The following AKTIP variants were observed in gnomAD, a reference collection of about 807,000 sequenced individuals.
AKTIP encodes the protein AKT-interacting protein.
A neutral mutation model predicts 39.1 loss-of-function variants in AKTIP; 16 were observed. That is an observed-to-expected ratio of 0.41 (90% CI 0.28 to 0.62). The LOEUF (loss-of-function observed/expected upper bound fraction) is 0.62, where lower values mean the gene tolerates loss of function less well. AKTIP is among the 20% of genes least tolerant of loss of function. The pLI is 0.32. For missense variants in AKTIP, 262 were observed against 356.6 expected, an observed-to-expected ratio of 0.73 and a Z score of 2.14; for synonymous variants, 93 against 124.3, an observed-to-expected ratio of 0.75 and a Z score of 1.67.
At chr16:53,499,743 G>A (rs796602735) in intron 2 of AKTIP, among the ~76,000 whole-genome samples, 6 of 152,188 alleles carry the variant, frequency 3.9e-5, no homozygotes, top group African/African-American at 4.8e-5. Context: ...TTACAAGCAT[G>A]AGCCACCGTG....
At position 53,492,521 on chromosome 16, in the gene AKTIP, T is replaced by C. The variant is rs772981389; in HGVS notation, c.772-2A>G. The C allele has an allele frequency of 6.2e-7, 1 of 1,614,166 alleles. No individual in the cohort carries two copies. The highest frequency in any genetic ancestry group is 8.5e-7 in the Non-Finnish European group (1 of 1,179,974). On this transcript the variant is annotated splice_acceptor_variant, in intron 9 of 9. Transcript: ENST00000394657. LOFTEE classifies it high-confidence loss of function. ...TTTATTGTGCTGTTCTTCAGGCTTC[T>C]TCTAGGCACAATCAAAACAGATATT...
chr16:53,494,597 C>T lies in AKTIP; in HGVS notation c.423G>A (p.Val141=), dbSNP rs746964570. 4.3e-6 allele frequency: 7 copies of T among 1,614,038 alleles called. No homozygotes were observed. In the East Asian group the frequency reaches 1.1e-4, roughly 26 times the overall value. Residue 141 remains valine (V), a synonymous_variant, in exon 6 of 10, where the codon GTG becomes GTA. Coordinates refer to ENST00000394657, the MANE Select transcript of AKTIP (RefSeq NM_022476.4). ...GCGGGTGAAAGACAGGAATATCGAACACCAAGCGCTGTATTTAAATAAAGA... is the reference window on the plus strand; with the variant it reads ...GCGGGTGAAAGACAGGAATATCGAATACCAAGCGCTGTATTTAAATAAAGA... The part of the protein sequence containing the change: ...NYPDGDCPRL[V]FDIPVFHPLV...
rs757341232 is a variant in AKTIP at position 53,494,604 on chromosome 16, C to T, written c.416G>A (p.Arg139His). 30 of 1,613,690 alleles carry T rather than the reference C, an allele frequency of 1.9e-5. No individual in the cohort carries two copies. The highest frequency in any genetic ancestry group is 2.2e-5 in the Non-Finnish European group (26 of 1,179,736). Residue 139 changes from arginine to histidine, a missense_variant and splice_region_variant, in exon 6 of 10, where the codon CGC (arginine) becomes CAC (histidine). Arg to His is a conservative substitution (Grantham distance 29, BLOSUM62 0). Transcript: ENST00000394657. ...PDNYPDGDCP[R>H]LVFDIPVFHP... is the part of the protein sequence containing the mutation. ...AAAGACAGGAATATCGAACACCAAG[C>T]GCTGTATTTAAATAAAGAGAGACAT...
chr16:53,499,391 G>A (rs943432021), intron 2 of AKTIP, among the ~76,000 whole-genome samples: 3 of 151,274 alleles, frequency 2.0e-5, no homozygotes, highest in African/African-American at 7.3e-5. Context: ...AGGAAGAGAT[G>A]TCATGTATAT....
At chr16:53,497,385 G>A (rs185993272) in intron 3 of AKTIP, among the ~76,000 whole-genome samples, 5 of 152,292 alleles carry the variant, frequency 3.3e-5, no homozygotes, top group Admixed American at 2.6e-4. Flanking sequence ...CTCTTCCCTA[G>A]AATTGCTAAG....
chr16:53,494,899 C>T (rs752284052), intron 5 of AKTIP, 174 bp downstream of exon 5: 1 of 758,290 alleles, frequency 1.3e-6, no homozygotes, highest in South Asian at 1.5e-5. Flanking sequence ...AGCAGAGAAA[C>T]AAAGCTCTGA....
rs1259066239 is a variant in AKTIP, at chr16:53,491,264, T to C, written c.*1148A>G. On this transcript the variant is annotated 3_prime_UTR_variant, in exon 10 of 10. Coordinates refer to ENST00000394657, the MANE Select transcript of AKTIP (RefSeq NM_022476.4). ...AAAAGAAATGTCTATTAAGGTGATA[T>C]ATTTAAAAATATTTTTGGGTGTTCC... 1.3e-5 allele frequency: 2 copies of C among 152,184 alleles called. No homozygotes were observed. The highest frequency in any genetic ancestry group is 2.4e-5 in the African/African-American group (1 of 41,440). The allele number at this position is 152,184 out of a possible 1,614,324, so 9.4% of individuals were successfully genotyped here.
upstream of AKTIP, among the ~76,000 whole-genome samples, chr16:53,503,792 G>A (rs1962328119): frequency 6.6e-6 from 1 of 152,208 alleles, no homozygotes; most frequent in Non-Finnish European, 1.5e-5. Context: ...GGGTACCAGG[G>A]GTCAGAAGGA....
At position 53,500,230 on chromosome 16, in the gene AKTIP, G is replaced by A. The variant is rs372968146; in HGVS notation, c.30C>T (p.Ser10=). 6.2e-7 allele frequency: 1 copy of A among 1,612,480 alleles called. No homozygotes were observed. The highest frequency in any genetic ancestry group is 8.5e-7 in the Non-Finnish European group (1 of 1,179,120). Residue 10 remains serine, a synonymous_variant, in exon 2 of 10, where the codon AGC becomes AGT. Coordinates refer to ENST00000394657, the MANE Select transcript of AKTIP (RefSeq NM_022476.4). MNPFWSMST[S]SVRKRSEGEE... is the part of the protein sequence containing the mutation. Reference sequence around the variant, plus strand: ...CAACTATACCTACTTTGCGTACAGAGCTTGTAGACATGCTCCAGAAAGGGT... The same window carrying A: ...CAACTATACCTACTTTGCGTACAGAACTTGTAGACATGCTCCAGAAAGGGT...
chr16:53,503,524 A>T (rs1232658538), upstream of AKTIP, among the ~76,000 whole-genome samples: 3 of 152,228 alleles, frequency 2.0e-5, no homozygotes. Flanking sequence ...CCCCCCGGGG[A>T]GGGATGGGGC....
rs775441301 is a variant in AKTIP at position 53,498,579 on chromosome 16, C to A, written c.60G>T (p.Glu20Asp). 6.8e-6 allele frequency: 11 copies of A among 1,614,078 alleles called. No individual in the cohort carries two copies. In the South Asian group the frequency reaches 1.2e-4, roughly 18 times the overall value. The change falls in exon 3 of 10, where the codon GAG (glutamate) becomes GAT (aspartate). Residue 20 changes from glutamate (E) to aspartate (D), a missense_variant. Glu to Asp is a conservative substitution (Grantham distance 45). Coordinates refer to ENST00000394657, the MANE Select transcript of AKTIP (RefSeq NM_022476.4). ...SSVRKRSEGE[E>D]KTLTGDVKTS... ...TTTTCACGTCCCCTGTTAATGTCTTCTCTTCACCTTCAGATCGCTATACAA... is the reference window on the plus strand; with the variant it reads ...TTTTCACGTCCCCTGTTAATGTCTTATCTTCACCTTCAGATCGCTATACAA...
At chr16:53,495,431 G>T in intron 3 of AKTIP, 105 bp from the exon 4 acceptor site, 3 of 1,039,246 alleles carry the variant, frequency 2.9e-6, no homozygotes, top group Non-Finnish European at 4.4e-6. Context: ...TCAATGGGCA[G>T]CTGATGCCCA....
chr16:53,497,246 C>T (rs891813052), intron 3 of AKTIP, among the ~76,000 whole-genome samples: 9 of 152,300 alleles, frequency 5.9e-5, no homozygotes, highest in Non-Finnish European at 1.5e-5. Context: ...TGCCAGGCAC[C>T]ACAGGGTCGC....
At position 53,491,842 on chromosome 16, in the gene AKTIP, A is replaced by AACAAC. The variant is rs1319834279; in HGVS notation, c.*565_*569dup. 1 of 152,654 alleles carries AACAAC rather than the reference A, an allele frequency of 6.6e-6. No homozygotes were observed. Among genetic ancestry groups the AACAAC allele is most frequent in the Non-Finnish European group, 1.5e-5 (1 of 68,038 alleles). The allele number at this position is 152,654 out of a possible 1,614,324, so 9.5% of individuals were successfully genotyped here. A position where few individuals can be genotyped will look rare whatever the true frequency, so the allele number is the denominator to read the frequency against. ...TACAGTAAGTAATTTGCTTAAAAAA[A>AACAAC]ACAACACAACACTAGGAACAAGTGT... On this transcript the variant is annotated 3_prime_UTR_variant, in exon 10 of 10. Transcript: ENST00000394657.
intron 3 of AKTIP, among the ~76,000 whole-genome samples, chr16:53,496,487 G>A (rs1361152842): frequency 2.7e-5 from 4 of 150,122 alleles, no homozygotes; most frequent in Non-Finnish European, 5.9e-5. Flanking sequence ...ATCCAGGGAG[G>A]GGTCAAGGAT....
chr16:53,498,557 T>C lies in AKTIP; in HGVS notation c.82A>G (p.Lys28Glu). Residue 28 changes from lysine (K) to glutamate (E), a missense_variant, in exon 3 of 10, where the codon AAA becomes GAA. This residue lies in a region of AKTIP where 88 missense variants were observed against 132.1 expected (regional missense o/e 0.67). Transcript: ENST00000394657. ...GEEKTLTGDVKTSPPRTAPKK... is the reference protein window; with the variant it reads ...GEEKTLTGDVETSPPRTAPKK... ...GGTGCAGTTCGTGGAGGACTGGTTT[T>C]CACGTCCCCTGTTAATGTCTTCTCT... 1 of 1,614,178 alleles carries C rather than the reference T, an allele frequency of 6.2e-7. No individual in the cohort carries two copies.
chr16:53,497,426 T>G (rs1195390025), intron 3 of AKTIP, among the ~76,000 whole-genome samples: 1 of 152,184 alleles, frequency 6.6e-6, no homozygotes, highest in Non-Finnish European at 1.5e-5. Flanking sequence ...CAGAATAAGA[T>G]CCTTCCTTGT....
rs1017087039 is a variant in AKTIP, at chr16:53,491,740, C to T, written c.*672G>A. 9 of 152,596 alleles carry T rather than the reference C, an allele frequency of 5.9e-5. No individual in the cohort carries two copies. Among genetic ancestry groups the T allele is most frequent in the Admixed American group, 2.0e-4 (3 of 15,278 alleles). The allele number at this position is 152,596 out of a possible 1,614,324, so 9.5% of individuals were successfully genotyped here. On this transcript the variant is annotated 3_prime_UTR_variant, in exon 10 of 10. Coordinates refer to ENST00000394657, the MANE Select transcript of AKTIP (RefSeq NM_022476.4). ...TGGTTTATTTTGTCTCTACTAAACA[C>T]ATTAGTCATTTATCATTTAAATACC... is the stretch of plus-strand genomic sequence containing the variant.
At position 53,491,085 on chromosome 16, in the gene AKTIP, G is replaced by A. The variant is rs532492973; in HGVS notation, c.*1327C>T. The A allele has an allele frequency of 2.5e-4, 38 of 152,602 alleles. No individual in the cohort carries two copies. Among genetic ancestry groups the A allele is most frequent in the African/African-American group, 9.2e-4 (38 of 41,512 alleles). 9.5% of individuals were successfully genotyped at this position (152,602 alleles called of 1,614,324 possible). Reference sequence around the variant, plus strand: ...TAATGCTTTTATATTTTTTTAAAATGTTAAAACCCCTATAGCCACCTTTTG... The same window carrying A: ...TAATGCTTTTATATTTTTTTAAAATATTAAAACCCCTATAGCCACCTTTTG... On this transcript the variant is annotated 3_prime_UTR_variant, in exon 10 of 10. Transcript: ENST00000394657.
Sources: gnomAD v4.1 joint callset for allele counts (sites outside exome capture counted in the v4.1 genomes callset) on GRCh38, gnomAD v4.1.1 for gene constraint, gnomAD v4.1.1 regional missense constraint, MANE v1.5 for transcripts, NCBI Gene and HGNC (gene_info 2026-07-23, HGNC 2026-07-21) for gene names.